ACER3: variants seen among roughly 807,000 people sequenced by gnomAD.
ACER3 encodes alkCDase 3.
In ACER3, 16 loss-of-function variants were observed where a neutral mutation model predicts 48.9. That is an observed-to-expected ratio of 0.33 (90% CI 0.22 to 0.50). The LOEUF (loss-of-function observed/expected upper bound fraction) is 0.50. Among genes scored for constraint, ACER3 ranks in the 20% least tolerant of loss-of-function variants. ACER3 has a pLI of 0.98. For synonymous variants in ACER3, 109 were observed against 107.8 expected, an observed-to-expected ratio of 1.01 and a Z score of -0.07; for missense variants, 227 against 326.0, an observed-to-expected ratio of 0.70 and a Z score of 2.34.
intron 2 of ACER3, among the ~76,000 whole-genome samples, chr11:76,950,847 A>G (rs563814222): frequency 9.1e-4 from 139 of 152,150 alleles, no homozygotes; most frequent in Non-Finnish European, 1.6e-3. Flanking sequence ...CACAGAAAGT[A>G]TGTTTTGTTG....
At chr11:76,989,927 C>T (rs768648161) in intron 5 of ACER3, among the ~76,000 whole-genome samples, 22 of 152,116 alleles carry the variant, frequency 1.4e-4, no homozygotes, top group African/African-American at 3.6e-4. Context: ...TGTGTAACTG[C>T]GAATGCATCT....
chr11:77,022,846 G>A lies in ACER3; in HGVS notation c.*2519G>A. 3.5e-6 allele frequency: 1 copy of A among 286,720 alleles called. No individual in the cohort carries two copies. The highest frequency in any genetic ancestry group is 6.3e-6 in the Non-Finnish European group (1 of 158,508). 17.8% of individuals were successfully genotyped at this position (286,720 alleles called of 1,614,324 possible). ...AAAATACTTTGTGAGGCCGGGCATG[G>A]TGGCAGAGCGAGACTCCGTCTCAAA... On this transcript the variant is annotated 3_prime_UTR_variant, in exon 11 of 11. Transcript: ENST00000532485.
intron 4 of ACER3, among the ~76,000 whole-genome samples, chr11:76,984,983 C>G (rs1171848203): frequency 6.6e-6 from 1 of 151,910 alleles, no homozygotes; most frequent in Non-Finnish European, 1.5e-5. Flanking sequence ...CTCTTTTTGC[C>G]ATTCCTTCCT....
At chr11:76,997,600 A>T (rs985697503) in intron 6 of ACER3, among the ~76,000 whole-genome samples, 2 of 152,206 alleles carry the variant, frequency 1.3e-5, no homozygotes, top group African/African-American at 4.8e-5. Flanking sequence ...ATTCATATAC[A>T]TAGCTTCTTT....
At chr11:76,881,518 C>T (rs1463180110) in intron 1 of ACER3, among the ~76,000 whole-genome samples, 2 of 152,088 alleles carry the variant, frequency 1.3e-5, no homozygotes, top group South Asian at 2.1e-4. Context: ...CTAGGGATTA[C>T]AATACATGTC....
Position 76,946,394 on chromosome 11 carries a change from A to G in ACER3, c.215-12585A>G, listed in dbSNP as rs1947474331. ...TCTCAGTTTCACAGCAGTCTGTAGC[A>G]GGGTGGTGGGTATTGTCCTAAGTAT... On this transcript the variant is annotated intron_variant, in intron 2 of 10. Coordinates refer to ENST00000532485, the MANE Select transcript of ACER3 (RefSeq NM_018367.7). Among the ~76,000 whole-genome samples, 3 of 152,224 alleles carry G rather than the reference A, an allele frequency of 2.0e-5. No individual in the cohort carries two copies. The South Asian group carries it at 6.2e-4, about 31-fold the overall frequency.
At chr11:76,912,514 TTATAA>T (rs1158411155) in intron 1 of ACER3, among the ~76,000 whole-genome samples, 5 of 152,138 alleles carry the variant, frequency 3.3e-5, no homozygotes, top group African/African-American at 1.2e-4. Context: ...ATTATACAAA[TTATAA>T]TATATCCATA....
At chr11:77,015,360 A>G in intron 8 of ACER3, 1 of 354,498 alleles carries the variant, frequency 2.8e-6, no homozygotes, top group Non-Finnish European at 5.1e-6. Flanking sequence ...GTGGGCATCA[A>G]AGAACTATAT....
chr11:76,961,587 T>C (rs1947995584), intron 3 of ACER3, among the ~76,000 whole-genome samples: 1 of 151,482 alleles, frequency 6.6e-6, no homozygotes, highest in African/African-American at 2.4e-5. Context: ...CTAGATCATC[T>C]TTTTATGCCA....
At chr11:76,890,004 T>G (rs1945767296) in intron 1 of ACER3, among the ~76,000 whole-genome samples, 1 of 152,190 alleles carries the variant, frequency 6.6e-6, no homozygotes, top group South Asian at 2.1e-4. Flanking sequence ...ATTCTGTTGC[T>G]TATTGTTTTG....
At chr11:76,992,819 A>G (rs1948830155) in intron 6 of ACER3, among the ~76,000 whole-genome samples, 1 of 151,908 alleles carries the variant, frequency 6.6e-6, no homozygotes, top group Non-Finnish European at 1.5e-5. Flanking sequence ...TACACCCTGG[A>G]CAAGTTAGTT....
intron 6 of ACER3, chr11:76,998,534 A>G: frequency 2.3e-6 from 1 of 434,744 alleles, no homozygotes; most frequent in Non-Finnish European, 4.0e-6. Flanking sequence ...AAATTGATAT[A>G]GGACTTCTGA....
chr11:76,862,672 T>C (rs2134479536), intron 1 of ACER3, among the ~76,000 whole-genome samples: 1 of 152,264 alleles, frequency 6.6e-6, no homozygotes, highest in African/African-American at 2.4e-5. Flanking sequence ...ATTTGGAATC[T>C]GGAATTAGGG....
Position 77,016,703 on chromosome 11 carries a change from A to G in ACER3, c.628A>G (p.Ile210Val), listed in dbSNP as rs782556744. ...RNFRKKVPPI[I>V]GITTQFHAWW... is the part of the protein sequence containing the mutation. ...CTTTCGAAAGAAGGTACCACCTATC[A>G]TAGGTATTACCACACAATTTCATGC... The change falls in exon 9 of 11, where the codon ATA becomes GTA. Residue 210 changes from isoleucine (I) to valine (V), a missense_variant. Physicochemically the swap from Ile to Val is conservative, Grantham distance 29 (BLOSUM62 3). Transcript: ENST00000532485. 1 of 1,597,632 alleles carries G rather than the reference A, an allele frequency of 6.3e-7. No individual in the cohort carries two copies. The highest frequency in any genetic ancestry group is 8.5e-7 in the Non-Finnish European group (1 of 1,170,934).
chr11:76,964,177 G>T (rs903909093), intron 3 of ACER3, among the ~76,000 whole-genome samples: 2 of 151,442 alleles, frequency 1.3e-5, no homozygotes, highest in African/African-American at 4.9e-5. Context: ...TCCCGCACCT[G>T]GCTCGGAGGG....
chr11:76,894,376 T>C (rs1051426930), intron 1 of ACER3, among the ~76,000 whole-genome samples: 8 of 152,242 alleles, frequency 5.3e-5, no homozygotes, highest in Admixed American at 1.3e-4. Context: ...CAGGATTCAA[T>C]GGTATTACCT....
intron 1 of ACER3, among the ~76,000 whole-genome samples, chr11:76,923,577 G>A (rs1249768215): frequency 6.6e-6 from 1 of 152,112 alleles, no homozygotes. Context: ...GTTAGGTGCT[G>A]AATAACTTTT....
At chr11:77,011,028 A>G (rs1476963778) in intron 7 of ACER3, among the ~76,000 whole-genome samples, 1 of 152,248 alleles carries the variant, frequency 6.6e-6, no homozygotes, top group Admixed American at 6.5e-5. Context: ...TGCGTGGGAT[A>G]CAAGACAGGA....
intron 9 of ACER3, 54 bp from the exon 10 acceptor site, chr11:77,019,677 T>G (rs1239793181): frequency 6.4e-7 from 1 of 1,565,178 alleles, no homozygotes; most frequent in Non-Finnish European, 8.8e-7. Context: ...TACGCCAGTT[T>G]GCATGAATTC....
Sources: allele counts gnomAD v4.1 joint callset (sites outside exome capture counted in the v4.1 genomes callset), GRCh38; gene constraint gnomAD v4.1.1; transcripts MANE v1.5; gene names NCBI Gene and HGNC (gene_info 2026-07-23, HGNC 2026-07-21).